The following PAQR5 variants were observed in gnomAD, a reference collection of about 807,000 sequenced individuals.
PAQR5 encodes the protein progestin and adipoQ receptor family member 5.
Under a neutral mutation model 34.5 loss-of-function variants are expected in PAQR5, and 20 were observed. The ratio of observed to expected loss-of-function variants is 0.58; its 90% CI spans 0.41 to 0.84. The LOEUF (loss-of-function observed/expected upper bound fraction) is 0.84. Ranked by LOEUF, PAQR5 falls within the 40% of genes least tolerant of loss-of-function variation. The probability of loss-of-function intolerance (pLI) is 0.00; values close to 1 mark genes in which losing one functional copy is unlikely to be tolerated. For missense variants in PAQR5, 378 were observed against 412.7 expected, an observed-to-expected ratio of 0.92 and a Z score of 0.73; for synonymous variants, 131 against 155.6, an observed-to-expected ratio of 0.84 and a Z score of 1.18.
chr15:69,315,748 C>G (rs1268474178), intron 1 of PAQR5, among the ~76,000 whole-genome samples: 2 of 152,194 alleles, frequency 1.3e-5, no homozygotes, highest in African/African-American at 4.8e-5. Flanking sequence ...CTTTTTCTCC[C>G]TGGGCAAAGT....
intron 1 of PAQR5, among the ~76,000 whole-genome samples, chr15:69,332,592 A>T (rs1211411364): frequency 2.0e-5 from 3 of 152,018 alleles, no homozygotes; most frequent in Non-Finnish European, 4.4e-5. Flanking sequence ...TTGCTTTTTG[A>T]CAATGGCAGC....
chr15:69,345,053 C>A (rs2054733151), intron 2 of PAQR5, among the ~76,000 whole-genome samples: 1 of 151,328 alleles, frequency 6.6e-6, no homozygotes, highest in African/African-American at 2.4e-5. Flanking sequence ...GAGATCACAC[C>A]ACTGTACTCC....
At chr15:69,390,804 C>T (rs577375590) in intron 6 of PAQR5, among the ~76,000 whole-genome samples, 34 of 151,678 alleles carry the variant, frequency 2.2e-4, no homozygotes, top group African/African-American at 7.7e-4. Flanking sequence ...GAGTCAGGCC[C>T]AGCTTACGCG....
rs539280248 is a variant in PAQR5, at chr15:69,394,661, T to G, written c.513-2807T>G. 1.2e-3 allele frequency among the ~76,000 whole-genome samples: 178 copies of G among 152,340 alleles called. 1 individual carries two copies. Among genetic ancestry groups the G allele is most frequent in the African/African-American group, 4.2e-3 (176 of 41,592 alleles). On this transcript the variant is annotated intron_variant, in intron 6 of 8. Transcript: ENST00000395407. ...CGTTCTGAGCAGAGACCTCACTTCC[T>G]CTATAGCAGCCCCTTAGCCCTCTGG...
Position 69,362,779 on chromosome 15 carries a change from A to T in PAQR5, c.51+2648A>T, listed in dbSNP as rs574758561. On this transcript the variant is annotated intron_variant, in intron 3 of 8. Transcript: ENST00000395407. ...TTTAGGGCACTTTGAGGGGTAGAGCATGCTGGCAGGAGACTTCAGAGGCCC... is the reference window on the plus strand; with the variant it reads ...TTTAGGGCACTTTGAGGGGTAGAGCTTGCTGGCAGGAGACTTCAGAGGCCC... Among the ~76,000 whole-genome samples, 21 of 152,260 alleles carry T rather than the reference A, an allele frequency of 1.4e-4. No individual in the cohort carries two copies. The East Asian group carries it at 3.9e-3, about 28-fold the overall frequency.
At chr15:69,302,907 A>G (rs2053636380) in intron 1 of PAQR5, among the ~76,000 whole-genome samples, 1 of 152,208 alleles carries the variant, frequency 6.6e-6, no homozygotes, top group Non-Finnish European at 1.5e-5. Flanking sequence ...TCTAAGCTGG[A>G]CTAATCCTTA....
intron 5 of PAQR5, among the ~76,000 whole-genome samples, chr15:69,386,411 G>A (rs779017826): frequency 2.0e-5 from 3 of 152,144 alleles, no homozygotes; most frequent in Non-Finnish European, 2.9e-5. Flanking sequence ...CTTTCCGTGT[G>A]AGCCAGGCTT....
chr15:69,368,217 T>C (rs1265419519), intron 3 of PAQR5, among the ~76,000 whole-genome samples: 1 of 152,148 alleles, frequency 6.6e-6, no homozygotes, highest in Non-Finnish European at 1.5e-5. Flanking sequence ...CACGCCTGGC[T>C]AATTTTTGTA....
rs75505201 is a variant in PAQR5 at position 69,379,803 on chromosome 15, C to T, written c.52-80C>T. On this transcript the variant is annotated intron_variant, in intron 3 of 8. Transcript: ENST00000395407. ...TCAAGCGTTCCAGGCACACAGAGCA[C>T]GGCCTGGAAGATGTTTCTCCAGAGA... The T allele has an allele frequency of 9.0e-4, 1,368 of 1,518,556 alleles. 6 individuals carry two copies. The African/African-American group carries it at 0.012, about 13-fold the overall frequency. The allele number at this position is 1,518,556 out of a possible 1,614,324, so 94.1% of individuals were successfully genotyped here.
At chr15:69,382,686 A>G (rs192275643) in intron 4 of PAQR5, among the ~76,000 whole-genome samples, 4 of 118,348 alleles carry the variant, frequency 3.4e-5, no homozygotes, top group African/African-American at 1.1e-4. Flanking sequence ...ATATATATAT[A>G]TATATATATA....
At chr15:69,326,436 CT>C (rs34210567) in intron 1 of PAQR5, among the ~76,000 whole-genome samples, 112,867 of 131,708 alleles carry the variant, frequency 0.86, 49,572 homozygotes, top group Non-Finnish European at 0.97. Context: ...AGCTCTTTGT[CT>C]TTTTTTTTTT....
intron 3 of PAQR5, among the ~76,000 whole-genome samples, chr15:69,371,240 AT>A (rs1484931760): frequency 2.0e-5 from 3 of 152,208 alleles, no homozygotes; most frequent in African/African-American, 7.2e-5. Flanking sequence ...TTACAAAAAA[AT>A]AATTCTTAAG....
At chr15:69,341,729 G>C (rs1242649362) in intron 2 of PAQR5, among the ~76,000 whole-genome samples, 3 of 152,012 alleles carry the variant, frequency 2.0e-5, no homozygotes, top group Non-Finnish European at 1.5e-5. Context: ...TGGATCACTT[G>C]AGCTCAGGAG....
At chr15:69,345,148 A>C (rs2054737414) in intron 2 of PAQR5, among the ~76,000 whole-genome samples, 1 of 151,964 alleles carries the variant, frequency 6.6e-6, no homozygotes, top group Non-Finnish European at 1.5e-5. Context: ...AGAAAGAAAG[A>C]AGAAAGGAAA....
intron 1 of PAQR5, among the ~76,000 whole-genome samples, chr15:69,325,439 A>G (rs1348024100): frequency 3.9e-5 from 6 of 152,110 alleles, no homozygotes; most frequent in Admixed American, 3.9e-4. Context: ...CTGCTTTACT[A>G]TTAGATGTGC....
Position 69,384,890 on chromosome 15 carries a change from A to T in PAQR5, c.385+8A>T. On this transcript the variant is annotated splice_region_variant and intron_variant, in intron 5 of 8. Coordinates refer to ENST00000395407, the MANE Select transcript of PAQR5 (RefSeq NM_017705.4). ...TCAACCTCTTCAGCCTGGGTATGTGAGGCCTTGTTCTTGCTTTCCTTCCCC... is the reference window on the plus strand; with the variant it reads ...TCAACCTCTTCAGCCTGGGTATGTGTGGCCTTGTTCTTGCTTTCCTTCCCC... 1.2e-6 allele frequency: 2 copies of T among 1,610,636 alleles called. No homozygotes were observed. Among genetic ancestry groups the T allele is most frequent in the South Asian group, 1.1e-5 (1 of 90,928 alleles).
chr15:69,348,302 C>T (rs2054825086), intron 2 of PAQR5, among the ~76,000 whole-genome samples: 1 of 152,168 alleles, frequency 6.6e-6, no homozygotes. Context: ...AAGAAGGACC[C>T]TATGAAGAAA....
chr15:69,360,023 T>A lies in PAQR5; in HGVS notation c.-58T>A, dbSNP rs2055190946. On this transcript the variant is annotated 5_prime_UTR_variant, in exon 3 of 9. Transcript: ENST00000395407. ...CCCCAGGCCATGTTAGAGCTTTGAG[T>A]GAGGCCTGGTAACAGGGAGGCGCTG... 3 of 1,380,812 alleles carry A rather than the reference T, an allele frequency of 2.2e-6. No homozygotes were observed. Among genetic ancestry groups the A allele is most frequent in the Non-Finnish European group, 3.1e-6 (3 of 968,664 alleles). 85.5% of individuals were successfully genotyped at this position (1,380,812 alleles called of 1,614,324 possible). A position where few individuals can be genotyped will look rare whatever the true frequency, so the allele number is the denominator to read the frequency against.
At position 69,331,400 on chromosome 15, in the gene PAQR5, C is replaced by T. The variant is rs139109349; in HGVS notation, c.-276-5941C>T. On this transcript the variant is annotated intron_variant, in intron 1 of 8. Transcript: ENST00000395407. Reference sequence around the variant, plus strand: ...GAAGATTTCGAGGCAGTTTCTCAGACGGAGAATAGGAGGATAGTTTGGAAG... The same window carrying T: ...GAAGATTTCGAGGCAGTTTCTCAGATGGAGAATAGGAGGATAGTTTGGAAG... 4.9e-3 allele frequency among the ~76,000 whole-genome samples: 748 copies of T among 152,204 alleles called. 14 individuals carry two copies. Among genetic ancestry groups the T allele is most frequent in the African/African-American group, 0.017 (695 of 41,512 alleles).
Sources: gnomAD v4.1 joint callset for allele counts (sites outside exome capture counted in the v4.1 genomes callset) on GRCh38, gnomAD v4.1.1 for gene constraint, MANE v1.5 for transcripts, NCBI Gene and HGNC (gene_info 2026-07-23, HGNC 2026-07-21) for gene names.